The following PACSIN1 variants were observed in gnomAD, a reference collection of about 807,000 sequenced individuals.
PACSIN1 encodes the protein protein kinase C and casein kinase substrate in neurons protein 1.
In PACSIN1, 15 loss-of-function variants were observed where a neutral mutation model predicts 59.5. The observed-to-expected ratio is 0.25, with a 90% confidence interval of 0.17 to 0.39. PACSIN1 has a LOEUF of 0.39. PACSIN1 is among the 10% of genes least tolerant of loss of function. PACSIN1 has a pLI of 1.00. For synonymous variants in PACSIN1, 210 were observed against 220.6 expected, an observed-to-expected ratio of 0.95 and a Z score of 0.42; for missense variants, 420 against 580.2, an observed-to-expected ratio of 0.72 and a Z score of 2.84.
chr6:34,473,539 G>C (rs1257199010), intron 1 of PACSIN1, among the ~76,000 whole-genome samples: 1 of 152,056 alleles, frequency 6.6e-6, no homozygotes, highest in Non-Finnish European at 1.5e-5. Context: ...TTCATCACTG[G>C]GTTCCCGGGG....
At chr6:34,500,468 C>G (rs1353207010) in intron 1 of PACSIN1, among the ~76,000 whole-genome samples, 13 of 152,170 alleles carry the variant, frequency 8.5e-5, no homozygotes, top group Admixed American at 7.9e-4. Context: ...TAGGTCTCAA[C>G]AGTAGGCTTA....
intron 1 of PACSIN1, among the ~76,000 whole-genome samples, chr6:34,470,553 T>G (rs369039435): frequency 1.3e-5 from 2 of 152,042 alleles, no homozygotes; most frequent in East Asian, 1.9e-4. Context: ...TCTTGCTCTG[T>G]CACCCAGGCT....
rs777626361 is a variant in PACSIN1 at position 34,527,371 on chromosome 6, G to A, written c.103G>A (p.Gly35Ser). Residue 35 changes from glycine (G) to serine (S), a missense_variant, in exon 3 of 10, where the codon GGC becomes AGC. Coordinates refer to ENST00000244458, the MANE Select transcript of PACSIN1 (RefSeq NM_020804.5). ...GCGGACCGTGAAGCGCATCGATGAC[G>A]GCCACCGTCTATGCAACGACCTGAT... is the stretch of plus-strand genomic sequence containing the variant. Reference protein sequence around the residue: ...YKRTVKRIDDGHRLCNDLMNC... With the variant: ...YKRTVKRIDDSHRLCNDLMNC... 2 of 1,596,082 alleles carry A rather than the reference G, an allele frequency of 1.3e-6. No individual in the cohort carries two copies. The highest frequency in any genetic ancestry group is 1.4e-5 in the African/African-American group (1 of 73,908).
At position 34,526,375 on chromosome 6, in the gene PACSIN1, C is replaced by A. The variant is rs755568108; in HGVS notation, c.63+7C>A. The A allele has an allele frequency of 3.1e-6, 5 of 1,611,278 alleles. 1 individual carries two copies. In the Admixed American group the frequency reaches 8.3e-5, roughly 27 times the overall value. On this transcript the variant is annotated splice_region_variant and intron_variant, in intron 2 of 9. Coordinates refer to ENST00000244458, the MANE Select transcript of PACSIN1 (RefSeq NM_020804.5). ...CACCGACAGCTTCTGGGAGGTGAGG[C>A]TCTCATGATCCCCAGGTTCGGGGAC...
intron 4 of PACSIN1, 93 bp downstream of exon 4, chr6:34,528,970 T>G: frequency 1.1e-6 from 1 of 941,624 alleles, no homozygotes; most frequent in Non-Finnish European, 1.6e-6. Flanking sequence ...ATGGGTGGGC[T>G]GGGCACTGCC....
rs1202358331 is a variant in PACSIN1 at position 34,488,049 on chromosome 6, CTG to C, written c.-64+21780_-64+21781del. On this transcript the variant is annotated intron_variant, in intron 1 of 9. Transcript: ENST00000244458. This position sits in a 1 kb window ranked among gnomAD's most constrained non-coding sequence, Gnocchi z 4.7. The stretch of plus-strand genomic sequence containing the variant: ...ACAGTCCCGCTGCTGCAGCAGGACT[CTG>C]GGCCACAACAGACACTTGCACTCTC... Among the ~76,000 whole-genome samples the C allele has an allele frequency of 6.6e-6, 1 of 152,144 alleles. No homozygotes were observed. The highest frequency in any genetic ancestry group is 1.5e-5 in the Non-Finnish European group (1 of 68,020).
rs1378313935 is a variant in PACSIN1, at chr6:34,531,496, G to T, written c.1038-104G>T. 2.7e-5 allele frequency: 33 copies of T among 1,212,204 alleles called. No individual in the cohort carries two copies. The highest frequency in any genetic ancestry group is 3.9e-5 in the Admixed American group (2 of 51,552). 75.1% of individuals were successfully genotyped at this position (1,212,204 alleles called of 1,614,324 possible). A position where few individuals can be genotyped will look rare whatever the true frequency, so the allele number is the denominator to read the frequency against. On this transcript the variant is annotated intron_variant, in intron 8 of 9. Transcript: ENST00000244458. The surrounding 1 kb of genome is among the most constrained non-coding windows in gnomAD (Gnocchi z 4.4). ...TCCTATGTGGCCAATCCTTGCTCTA[G>T]CCTTGGTAGAATTCGGGATCAGGGC...
At chr6:34,511,594 G>A (rs890246188) in intron 1 of PACSIN1, among the ~76,000 whole-genome samples, 2 of 151,898 alleles carry the variant, frequency 1.3e-5, no homozygotes, top group Non-Finnish European at 2.9e-5. Context: ...TTCTACCCCC[G>A]ATCTTCCCCC....
rs1299931917 is a variant in PACSIN1 at position 34,491,833 on chromosome 6, A to C, written c.-64+25563A>C. Reference sequence around the variant, plus strand: ...CACCATGTTGACCAGGCTGGTCTTGAAGTTCTGACCTCAGGTGATCCACCC... The same window carrying C: ...CACCATGTTGACCAGGCTGGTCTTGCAGTTCTGACCTCAGGTGATCCACCC... On this transcript the variant is annotated intron_variant, in intron 1 of 9. Coordinates refer to ENST00000244458, the MANE Select transcript of PACSIN1 (RefSeq NM_020804.5). Among the ~76,000 whole-genome samples, 7 of 151,904 alleles carry C rather than the reference A, an allele frequency of 4.6e-5. No homozygotes were observed. The South Asian group carries it at 1.2e-3, about 27-fold the overall frequency.
chr6:34,520,699 A>C (rs554856009), intron 1 of PACSIN1, among the ~76,000 whole-genome samples: 1 of 152,196 alleles, frequency 6.6e-6, no homozygotes, highest in Non-Finnish European at 1.5e-5. Context: ...TGCGTGCTGC[A>C]GTACCCCTGA....
In PACSIN1 at chr6:34,532,555, T is replaced by TCACTCCTCCCCACTGC; in HGVS notation, c.*27_*42dup. 1 of 1,364,222 alleles carries TCACTCCTCCCCACTGC rather than the reference T, an allele frequency of 7.3e-7. No homozygotes were observed. Among genetic ancestry groups the TCACTCCTCCCCACTGC allele is most frequent in the East Asian group, 2.5e-5 (1 of 39,494 alleles). 84.5% of individuals were successfully genotyped at this position (1,364,222 alleles called of 1,614,324 possible). ...GAGGCCCCCTCCCTCCATACTCCCGTCACTCCTCCCCACTGCCGCCCCTCC... is the reference window on the plus strand; with the variant it reads ...GAGGCCCCCTCCCTCCATACTCCCGTCACTCCTCCCCACTGCCACTCCTCCCCACTGCCGCCCCTCC... On this transcript the variant is annotated 3_prime_UTR_variant, in exon 10 of 10. Coordinates refer to ENST00000244458, the MANE Select transcript of PACSIN1 (RefSeq NM_020804.5). This position sits in a 1 kb window ranked among gnomAD's most constrained non-coding sequence, Gnocchi z 5.2.
chr6:34,467,632 C>CA (rs1766515414), intron 1 of PACSIN1, among the ~76,000 whole-genome samples: 1 of 148,120 alleles, frequency 6.8e-6, no homozygotes. Context: ...GATCTCAGCT[C>CA]ACCGCAACCT....
chr6:34,504,286 ATATATT>A (rs1398514514), intron 1 of PACSIN1, among the ~76,000 whole-genome samples: 1,282 of 85,770 alleles, frequency 0.015, 15 homozygotes, highest in East Asian at 0.065. Flanking sequence ...ATATATATAT[ATATATT>A]TTTTTTTTTT....
At chr6:34,504,558 TG>T (rs1312359198) in intron 1 of PACSIN1, among the ~76,000 whole-genome samples, 1 of 152,186 alleles carries the variant, frequency 6.6e-6, no homozygotes, top group Non-Finnish European at 1.5e-5. Flanking sequence ...CCCCAAGTGC[TG>T]GGATTGCAGG....
rs562009178 is a variant in PACSIN1 at position 34,469,995 on chromosome 6, G to T, written c.-64+3725G>T. On this transcript the variant is annotated intron_variant, in intron 1 of 9. Transcript: ENST00000244458. ...TTAGCCACTTCAGACCCACCTGCTGGGGACACTTTGTGGCTGGTTTCCAGC... is the reference window on the plus strand; with the variant it reads ...TTAGCCACTTCAGACCCACCTGCTGTGGACACTTTGTGGCTGGTTTCCAGC... 2.8e-3 allele frequency among the ~76,000 whole-genome samples: 427 copies of T among 152,114 alleles called. 4 individuals carry two copies. The highest frequency in any genetic ancestry group is 9.7e-3 in the African/African-American group (404 of 41,490).
intron 1 of PACSIN1, among the ~76,000 whole-genome samples, chr6:34,517,023 C>G (rs1348026624): frequency 6.6e-6 from 1 of 152,152 alleles, no homozygotes; most frequent in Non-Finnish European, 1.5e-5. Context: ...GGAGGTATCT[C>G]CAGCTGGCTG....
Position 34,521,084 on chromosome 6 carries a change from A to G in PACSIN1, c.-63-5159A>G, listed in dbSNP as rs1428251348. Among the ~76,000 whole-genome samples the G allele has an allele frequency of 6.6e-6, 1 of 152,226 alleles. No individual in the cohort carries two copies. Among genetic ancestry groups the G allele is most frequent in the East Asian group, 1.9e-4 (1 of 5,202 alleles). On this transcript the variant is annotated intron_variant, in intron 1 of 9. Transcript: ENST00000244458. This position sits in a 1 kb window ranked among gnomAD's most constrained non-coding sequence, Gnocchi z 4.3. ...TACTATGTTGCCGGCACTGCACTGG[A>G]TGCTGGAAATACGGCAGATAACCAG...
chr6:34,530,232 C>T lies in PACSIN1; in HGVS notation c.789-11C>T. On this transcript the variant is annotated splice_polypyrimidine_tract_variant and intron_variant, in intron 6 of 9. Transcript: ENST00000244458. The surrounding 1 kb of genome is among the most constrained non-coding windows in gnomAD (Gnocchi z 4.4). ...CTGTGCCCTCCACCTCCCCCATCTC[C>T]CTGAGCACAGCTACATCCATGTGTA... is the stretch of plus-strand genomic sequence containing the variant. 8 of 1,606,600 alleles carry T rather than the reference C, an allele frequency of 5.0e-6. No individual in the cohort carries two copies. Among genetic ancestry groups the T allele is most frequent in the Non-Finnish European group, 6.8e-6 (8 of 1,174,698 alleles).
At chr6:34,480,231 T>TC (rs1239856158) in intron 1 of PACSIN1, among the ~76,000 whole-genome samples, 1 of 149,814 alleles carries the variant, frequency 6.7e-6, no homozygotes, top group East Asian at 1.9e-4. Flanking sequence ...TTCTTTCTTT[T>TC]TTTTTTTTTT....
Sources: gnomAD v4.1 joint callset for allele counts (sites outside exome capture counted in the v4.1 genomes callset) on GRCh38, gnomAD v4.1.1 for gene constraint, Gnocchi (gnomAD v3.1) non-coding constraint, MANE v1.5 for transcripts, NCBI Gene and HGNC (gene_info 2026-07-23, HGNC 2026-07-21) for gene names.